Variants in DNAH11 observed in about 807,000 individuals in gnomAD.
The protein encoded by DNAH11 is axonemal beta dynein heavy chain 11.
A neutral mutation model predicts 526.0 loss-of-function variants in DNAH11; 442 were observed. That is an observed-to-expected ratio of 0.84 (90% CI 0.78 to 0.91). The LOEUF (loss-of-function observed/expected upper bound fraction) is 0.91, where lower values mean the gene tolerates loss of function less well. Among genes scored for constraint, DNAH11 ranks in the 40% least tolerant of loss-of-function variants. The pLI, the probability that DNAH11 is intolerant of heterozygous loss-of-function variation, is 0.00. For synonymous variants in DNAH11, 2,461 were observed against 1,935.9 expected (o/e 1.27, Z -7.12); for missense variants, 6,989 against 5,448.7 (o/e 1.28, Z -8.90).
intron 60 of DNAH11, among the ~76,000 whole-genome samples, chr7:21,788,898 ACT>A (rs1788311704): frequency 6.6e-6 from 1 of 152,216 alleles, no homozygotes; most frequent in African/African-American, 2.4e-5. Context: ...AGTACTTGTA[ACT>A]CTAAGGTCCA....
At chr7:21,832,274 G>T (rs61452339) in intron 65 of DNAH11, among the ~76,000 whole-genome samples, 1 of 152,050 alleles carries the variant, frequency 6.6e-6, no homozygotes, top group Non-Finnish European at 1.5e-5. Context: ...TTCATATGTC[G>T]ACGGTCTTTA....
At chr7:21,869,497 A>T (rs78658829) in intron 73 of DNAH11, among the ~76,000 whole-genome samples, 1 of 150,354 alleles carries the variant, frequency 6.7e-6, no homozygotes, top group Non-Finnish European at 1.5e-5. Context: ...GAGCGAAAAG[A>T]AAAAAAAAAG....
At chr7:21,763,719 C>T (rs909006200) in intron 54 of DNAH11, among the ~76,000 whole-genome samples, 13 of 150,104 alleles carry the variant, frequency 8.7e-5, no homozygotes, top group Admixed American at 2.0e-4. Flanking sequence ...TTCACTGCAG[C>T]GTTATTCACG....
intron 4 of DNAH11, 105 bp from the exon 5 acceptor site, chr7:21,560,966 A>G: frequency 1.3e-6 from 1 of 783,898 alleles, no homozygotes; most frequent in Non-Finnish European, 2.1e-6. Context: ...TAAATACTGT[A>G]TCACTTGTGA....
chr7:21,694,201 CTTTAAG>C (rs1189685530), intron 35 of DNAH11, among the ~76,000 whole-genome samples: 5 of 152,076 alleles, frequency 3.3e-5, no homozygotes, highest in Non-Finnish European at 7.4e-5. Context: ...TTTTATTATA[CTTTAAG>C]TTCTGGGATA....
At position 21,880,086 on chromosome 7, in the gene DNAH11, A is replaced by G. The variant is rs529203350; in HGVS notation, c.12196-616A>G. 1.8e-3 allele frequency among the ~76,000 whole-genome samples: 159 copies of G among 87,442 alleles called. 1 individual carries two copies. The highest frequency in any genetic ancestry group is 5.8e-3 in the African/African-American group (156 of 26,796). The allele number at this position is 87,442 out of a possible 152,430, so 57.4% of individuals were successfully genotyped here. On this transcript the variant is annotated intron_variant, in intron 74 of 81. Coordinates refer to ENST00000409508, the MANE Select transcript of DNAH11 (RefSeq NM_001277115.2). ...GGTGACAGAGCAAGACTCCGTCTCA[A>G]AAAAAAAAAAAAAAAGAAAGAAAGA...
At chr7:21,825,979 G>T (rs971975140) in intron 65 of DNAH11, among the ~76,000 whole-genome samples, 21 of 150,244 alleles carry the variant, frequency 1.4e-4, no homozygotes, top group African/African-American at 5.2e-4. Context: ...AAAAAAAAGT[G>T]TTTTGATGGA....
intron 35 of DNAH11, among the ~76,000 whole-genome samples, chr7:21,697,357 C>G (rs775214805): frequency 5.9e-5 from 9 of 152,032 alleles, no homozygotes; most frequent in Non-Finnish European, 1.3e-4. Flanking sequence ...CCAGTTGGTC[C>G]TAGGCAGTGG....
intron 46 of DNAH11, among the ~76,000 whole-genome samples, chr7:21,737,459 A>G (rs1483673063): frequency 6.6e-6 from 1 of 152,210 alleles, no homozygotes; most frequent in Non-Finnish European, 1.5e-5. Flanking sequence ...AGGGGACTGT[A>G]TTTCATTTGA....
At chr7:21,593,758 A>G (rs918560335) in intron 14 of DNAH11, among the ~76,000 whole-genome samples, 1 of 152,070 alleles carries the variant, frequency 6.6e-6, no homozygotes, top group Non-Finnish European at 1.5e-5. Flanking sequence ...AGGGATAGGA[A>G]TGAAAGAGCG....
chr7:21,629,856 A>G (rs546512827), intron 25 of DNAH11, among the ~76,000 whole-genome samples: 1 of 152,004 alleles, frequency 6.6e-6, no homozygotes, highest in South Asian at 2.1e-4. Flanking sequence ...TAGTTCTGTT[A>G]TGTTTCTTTA....
intron 54 of DNAH11, among the ~76,000 whole-genome samples, chr7:21,761,754 T>C (rs1786928866): frequency 6.6e-6 from 1 of 152,190 alleles, no homozygotes; most frequent in South Asian, 2.1e-4. Context: ...AGGATCCTTA[T>C]TTAAGCAATA....
At chr7:21,731,131 T>C (rs1175405085) in intron 45 of DNAH11, among the ~76,000 whole-genome samples, 1 of 151,112 alleles carries the variant, frequency 6.6e-6, no homozygotes, top group Non-Finnish European at 1.5e-5. Flanking sequence ...GCAACAAGAG[T>C]GAAACTGTCT....
At chr7:21,830,692 T>A (rs376927993) in intron 65 of DNAH11, among the ~76,000 whole-genome samples, 2 of 150,490 alleles carry the variant, frequency 1.3e-5, no homozygotes, top group Admixed American at 1.3e-4. Context: ...AAAAAAAAAA[T>A]CAGTTGAGTG....
chr7:21,673,495 C>A (rs559993279), intron 30 of DNAH11, among the ~76,000 whole-genome samples: 2 of 152,092 alleles, frequency 1.3e-5, no homozygotes, highest in Admixed American at 6.5e-5. Flanking sequence ...TGATGTCCCT[C>A]CCCCCACAGC....
chr7:21,850,048 C>T (rs1197400580), intron 66 of DNAH11, among the ~76,000 whole-genome samples: 1 of 150,796 alleles, frequency 6.6e-6, no homozygotes, highest in African/African-American at 2.4e-5. Context: ...GTCTAGTTTA[C>T]TCATGAGCCC....
intron 30 of DNAH11, among the ~76,000 whole-genome samples, chr7:21,664,885 G>C (rs1366908455): frequency 6.6e-6 from 1 of 152,140 alleles, no homozygotes; most frequent in Non-Finnish European, 1.5e-5. Context: ...TGCCTTGCTT[G>C]AGGGAGTATG....
At chr7:21,590,071 G>A (rs17144727) in intron 12 of DNAH11, among the ~76,000 whole-genome samples, 12,678 of 152,038 alleles carry the variant, frequency 0.083, 918 homozygotes, top group African/African-American at 0.2. Flanking sequence ...TGCATGGTAA[G>A]TCATGTAACA....
chr7:21,689,191 G>T (rs528160389), intron 34 of DNAH11, among the ~76,000 whole-genome samples: 2 of 152,262 alleles, frequency 1.3e-5, no homozygotes, highest in East Asian at 1.9e-4. Context: ...TTTGTTCTTA[G>T]ATCTCCAGCT....
Sources: allele counts gnomAD v4.1 joint callset (sites outside exome capture counted in the v4.1 genomes callset), GRCh38; gene constraint gnomAD v4.1.1; transcripts MANE v1.5; gene names NCBI Gene and HGNC (gene_info 2026-07-23, HGNC 2026-07-21).